ATP11C: variants seen among roughly 807,000 people sequenced by gnomAD.
ATP11C encodes phospholipid-transporting ATPase IG.
In ATP11C, 36 loss-of-function variants were observed where a neutral mutation model predicts 97.4. That is an observed-to-expected ratio of 0.37 (90% CI 0.28 to 0.49). ATP11C has a LOEUF of 0.49. ATP11C is among the 20% of genes least tolerant of loss of function. The probability of loss-of-function intolerance (pLI) is 0.98; values close to 1 mark genes in which losing one functional copy is unlikely to be tolerated. For synonymous variants in ATP11C, 275 were observed against 290.9 expected (o/e 0.95, Z 0.56); for missense variants, 730 against 824.6 (o/e 0.89, Z 1.40).
chrX:139,829,849 TA>T (rs762537847), intron 1 of ATP11C, among the ~76,000 whole-genome samples: 1 of 109,829 alleles, frequency 9.1e-6, no homozygotes, highest in African/African-American at 3.3e-5. Context: ...CTGAATGCTG[TA>T]AAAAAAAATA....
At chrX:139,767,188 T>C (rs1294088505) in intron 20 of ATP11C, among the ~76,000 whole-genome samples, 2 of 110,760 alleles carry the variant, frequency 1.8e-5, no homozygotes, top group Non-Finnish European at 3.8e-5. Flanking sequence ...ATAGGAAGAG[T>C]TGTGTTTTAA....
intron 25 of ATP11C, 35 bp from the exon 26 acceptor site, chrX:139,743,659 T>A: frequency 1.1e-5 from 9 of 828,616 alleles, no homozygotes; most frequent in Non-Finnish European, 1.5e-5. Flanking sequence ...GTACCATGTA[T>A]ATACAAGTAT....
chrX:139,903,392 C>G (rs924866531), intron 1 of ATP11C, among the ~76,000 whole-genome samples: 3 of 109,379 alleles, frequency 2.7e-5, no homozygotes, highest in Non-Finnish European at 5.7e-5. Flanking sequence ...ACCCTATACC[C>G]TGGGGGAAGG....
intron 1 of ATP11C, among the ~76,000 whole-genome samples, chrX:139,919,213 A>G (rs1360426110): frequency 9.1e-6 from 1 of 110,411 alleles, no homozygotes; most frequent in Non-Finnish European, 1.9e-5. Context: ...ACTGCACTCC[A>G]GCCGGGGCGA....
In ATP11C at chrX:139,731,761, A is replaced by G. The variant is rs2081346708; in HGVS notation, c.3289-6T>C. 1 of 1,132,010 alleles carries G rather than the reference A, an allele frequency of 8.8e-7. No homozygotes were observed. Among genetic ancestry groups the G allele is most frequent in the Non-Finnish European group, 1.2e-6 (1 of 833,071 alleles). The allele number at this position is 1,132,010 out of a possible 1,213,427, so 93.3% of individuals were successfully genotyped here. On this transcript the variant is annotated splice_region_variant and splice_polypyrimidine_tract_variant and intron_variant, in intron 28 of 29. Coordinates refer to ENST00000682941, the MANE Select transcript of ATP11C (RefSeq NM_001353812.2). ...CTTCTACAGCTCAGATTTCTCTGTA[A>G]TAGTGAGGCAAAGATACTTAAAGCA...
At chrX:139,791,879 G>A (rs969245928) in intron 12 of ATP11C, among the ~76,000 whole-genome samples, 1 of 111,388 alleles carries the variant, frequency 9.0e-6, no homozygotes, top group Non-Finnish European at 1.9e-5. Context: ...CATCATTTGC[G>A]TGATATTGTA....
chrX:139,796,473 A>G lies in ATP11C; in HGVS notation c.1009-3T>C, dbSNP rs1158679013. Reference sequence around the variant, plus strand: ...AAGTCGGTGAACATTTTTAAAACCTAAAATAAAAGAGATAGTTCATGCTAA... The same window carrying G: ...AAGTCGGTGAACATTTTTAAAACCTGAAATAAAAGAGATAGTTCATGCTAA... On this transcript the variant is annotated splice_polypyrimidine_tract_variant and splice_region_variant and intron_variant, in intron 11 of 29. Coordinates refer to ENST00000682941, the MANE Select transcript of ATP11C (RefSeq NM_001353812.2). The G allele has an allele frequency of 1.8e-6, 2 of 1,115,032 alleles. No homozygotes were observed. Among genetic ancestry groups the G allele is most frequent in the Non-Finnish European group, 2.5e-6 (2 of 813,501 alleles). The allele number at this position is 1,115,032 out of a possible 1,213,427, so 91.9% of individuals were successfully genotyped here.
At chrX:139,736,497 A>G (rs1184260026) in intron 28 of ATP11C, among the ~76,000 whole-genome samples, 2 of 111,640 alleles carry the variant, frequency 1.8e-5, no homozygotes, top group African/African-American at 6.5e-5. Flanking sequence ...ATTCTCTATT[A>G]TAAAAAGCCC....
chrX:139,936,333 AAAG>A (rs754394036), upstream of ATP11C, among the ~76,000 whole-genome samples: 1 of 111,347 alleles, frequency 9.0e-6, no homozygotes, highest in African/African-American at 3.3e-5. Context: ...CACAGTTTCC[AAAG>A]AAAACCCAGG....
intron 1 of ATP11C, among the ~76,000 whole-genome samples, chrX:139,915,007 A>T (rs1392303356): frequency 1.8e-5 from 2 of 112,248 alleles, no homozygotes; most frequent in Admixed American, 9.5e-5. Context: ...ATGATGATTA[A>T]AAGGCAAAGA....
chrX:139,763,275 T>C (rs774851355), intron 21 of ATP11C, 41 bp downstream of exon 21: 1 of 1,053,484 alleles, frequency 9.5e-7, no homozygotes, highest in Admixed American at 2.2e-5. Flanking sequence ...AAAGCAATAC[T>C]GATACTTTTC....
At chrX:139,763,198 T>A (rs2082071748) in intron 21 of ATP11C, 118 bp downstream of exon 21, 2 of 516,141 alleles carry the variant, frequency 3.9e-6, no homozygotes, top group African/African-American at 2.4e-5. Flanking sequence ...ACAATTATCA[T>A]TCCAAAATTC....
intron 1 of ATP11C, among the ~76,000 whole-genome samples, chrX:139,885,902 T>C (rs2084633543): frequency 9.0e-6 from 1 of 111,061 alleles, no homozygotes; most frequent in Admixed American, 9.6e-5. Context: ...AGAGCATCTA[T>C]GAAAAACTTA....
At chrX:139,819,252 G>T in intron 3 of ATP11C, 86 bp downstream of exon 3, 1 of 353,288 alleles carries the variant, frequency 2.8e-6, no homozygotes, top group Non-Finnish European at 5.0e-6. Flanking sequence ...TTAATTACAT[G>T]GCATTTTAAG....
At chrX:139,773,064 A>G (rs892356121) in intron 19 of ATP11C, among the ~76,000 whole-genome samples, 2 of 110,826 alleles carry the variant, frequency 1.8e-5, no homozygotes, top group East Asian at 5.7e-4. Context: ...AGGGGGAGGT[A>G]ACTGAATCAT....
rs1418873060 is a variant in ATP11C at position 139,731,685 on chromosome X, C to T, written c.3359G>A (p.Arg1120Gln). 13 of 1,192,755 alleles carry T rather than the reference C, an allele frequency of 1.1e-5. No individual in the cohort carries two copies. Among genetic ancestry groups the T allele is most frequent in the East Asian group, 3.0e-5 (1 of 33,278 alleles). The change falls in exon 29 of 30, where the codon CGA (arginine) becomes CAA (glutamine). Residue 1120 changes from arginine to glutamine, a missense_variant. Arg to Gln is a conservative substitution (Grantham distance 43). Transcript: ENST00000682941. ...ARPSVRPLLL[R>Q]TFSDESNVL ...TACATTAGATTCGTCTGAGAATGTT[C>T]GTAAAAGAAGAGGTCTGACTGAAGG...
chrX:139,817,055 G>A, intron 3 of ATP11C, 112 bp from the exon 4 acceptor site: 1 of 394,149 alleles, frequency 2.5e-6, no homozygotes, highest in East Asian at 5.2e-5. Context: ...ACACTTTCCA[G>A]TAGTAGGGTA....
At chrX:139,738,162 G>T (rs1225764533) in intron 27 of ATP11C, 93 bp from the exon 28 acceptor site, 1 of 740,320 alleles carries the variant, frequency 1.4e-6, no homozygotes, top group African/African-American at 2.2e-5. Flanking sequence ...TATTTAAAAA[G>T]AATCTTCCTT....
intron 1 of ATP11C, among the ~76,000 whole-genome samples, chrX:139,838,082 C>G (rs2083774094): frequency 8.9e-6 from 1 of 111,787 alleles, no homozygotes; most frequent in South Asian, 3.7e-4. Flanking sequence ...ATGATTTAAC[C>G]AATACATATG....
Sources: gnomAD v4.1 joint callset for allele counts (sites outside exome capture counted in the v4.1 genomes callset) on GRCh38, gnomAD v4.1.1 for gene constraint, MANE v1.5 for transcripts, NCBI Gene and HGNC (gene_info 2026-07-23, HGNC 2026-07-21) for gene names.